The following C10orf90 variants were observed in gnomAD, a reference collection of about 807,000 sequenced individuals.
C10orf90 encodes the protein (E2-independent) E3 ubiquitin-conjugating enzyme FATS.
Under a neutral mutation model 62.5 loss-of-function variants are expected in C10orf90, and 56 were observed. The observed-to-expected ratio is 0.90, with a 90% CI of 0.72 to 1.12. C10orf90 has a LOEUF of 1.12. Among genes scored for constraint, C10orf90 ranks in the 50% most tolerant of loss-of-function variants. The pLI, the probability that C10orf90 is intolerant of heterozygous loss-of-function variation, is 0.00. For missense variants in C10orf90, 970 were observed against 880.4 expected (o/e 1.10, Z -1.29); for synonymous variants, 386 against 340.4 (o/e 1.13, Z -1.47).
intron 2 of C10orf90, among the ~76,000 whole-genome samples, chr10:126,590,091 A>T (rs1490818999): frequency 6.6e-6 from 1 of 151,902 alleles, no homozygotes; most frequent in Non-Finnish European, 1.5e-5. Context: ...ATCAAAAAAG[A>T]CAAACAAGGG....
chr10:126,669,809 C>T (rs1179592464), intron 1 of C10orf90, among the ~76,000 whole-genome samples: 1 of 151,648 alleles, frequency 6.6e-6, no homozygotes, highest in Non-Finnish European at 1.5e-5. Flanking sequence ...TATTTTAACT[C>T]GATGAAGGCA....
At chr10:126,509,651 G>A (rs1464834547) in intron 3 of C10orf90, among the ~76,000 whole-genome samples, 2 of 152,172 alleles carry the variant, frequency 1.3e-5, no homozygotes, top group Non-Finnish European at 2.9e-5. Flanking sequence ...GCCAAGTGCT[G>A]CATTTTCCCA....
chr10:126,503,998 T>A lies in C10orf90; in HGVS notation c.1493A>T (p.Asn498Ile). Reference protein sequence around the residue: ...TTHCHASDHANQLSIHIPGWS... With the variant: ...TTHCHASDHAIQLSIHIPGWS... ...GCCAGGAATGTGAATGGACAGTTGG[T>A]TGGCATGATCGCTGGCGTGACAATG... Residue 498 changes from asparagine (N) to isoleucine (I), a missense_variant, in exon 4 of 10, where the codon AAC (asparagine) becomes ATC (isoleucine). By Grantham distance (149) the Asn-to-Ile change is moderately radical. Coordinates refer to ENST00000488181, the MANE Select transcript of C10orf90 (RefSeq NM_001350921.2). 1 of 1,613,330 alleles carries A rather than the reference T, an allele frequency of 6.2e-7. No homozygotes were observed.
At chr10:126,481,977 A>G (rs979727998) in intron 4 of C10orf90, among the ~76,000 whole-genome samples, 2 of 152,208 alleles carry the variant, frequency 1.3e-5, no homozygotes, top group African/African-American at 4.8e-5. Context: ...AAATGCTACA[A>G]AAGAGAAGCC....
rs775799341 is a variant in C10orf90 at position 126,464,747 on chromosome 10, C to T, written c.1774G>A (p.Ala592Thr). The T allele has an allele frequency of 6.2e-7, 1 of 1,614,130 alleles. No individual in the cohort carries two copies. Reference sequence around the variant, plus strand: ...ACACCATTGTCTTCCTGCAGAGATGCACATACATCTTGTAAGGGGCAAAGA... The same window carrying T: ...ACACCATTGTCTTCCTGCAGAGATGTACATACATCTTGTAAGGGGCAAAGA... The part of the protein sequence containing the change: ...GFLCPLQDVC[A>T]SLQEDNGVQI... The change falls in exon 5 of 10, where the codon GCA becomes ACA. Residue 592 changes from alanine (A) to threonine (T), a missense_variant. Transcript: ENST00000488181.
chr10:126,567,313 A>G (rs1211316151), intron 2 of C10orf90, among the ~76,000 whole-genome samples: 1 of 152,140 alleles, frequency 6.6e-6, no homozygotes, highest in Non-Finnish European at 1.5e-5. Flanking sequence ...GCAGGAGGAA[A>G]AGGATGAAGG....
intron 4 of C10orf90, among the ~76,000 whole-genome samples, chr10:126,468,282 T>C (rs1269428737): frequency 6.6e-6 from 1 of 152,196 alleles, no homozygotes; most frequent in Non-Finnish European, 1.5e-5. Flanking sequence ...TTGGCCAGGA[T>C]GGTCTTGATC....
chr10:126,537,664 A>T (rs532960587), intron 2 of C10orf90, among the ~76,000 whole-genome samples: 1 of 152,196 alleles, frequency 6.6e-6, no homozygotes. Flanking sequence ...CTGTCTAAAG[A>T]GTTCTCTGGA....
At chr10:126,584,621 C>A (rs141025188) in intron 2 of C10orf90, among the ~76,000 whole-genome samples, 1 of 152,234 alleles carries the variant, frequency 6.6e-6, no homozygotes, top group Middle Eastern at 3.4e-3. Context: ...ACTTTGCTCA[C>A]GTGTGCCCAT....
chr10:126,550,754 C>T (rs1359385463), intron 2 of C10orf90, among the ~76,000 whole-genome samples: 1 of 152,184 alleles, frequency 6.6e-6, no homozygotes, highest in Non-Finnish European at 1.5e-5. Context: ...GGGTGATTCA[C>T]CTGTTCCAGC....
chr10:126,468,332 G>T (rs1860399823), intron 4 of C10orf90, among the ~76,000 whole-genome samples: 1 of 152,174 alleles, frequency 6.6e-6, no homozygotes, highest in Admixed American at 6.5e-5. Flanking sequence ...CTCCTAAAGT[G>T]CTAGGATTAC....
At chr10:126,644,834 A>C (rs957774858) in intron 2 of C10orf90, among the ~76,000 whole-genome samples, 2 of 151,898 alleles carry the variant, frequency 1.3e-5, no homozygotes, top group Non-Finnish European at 2.9e-5. Flanking sequence ...GTGTCCCCAA[A>C]CTCCCTGTGG....
At chr10:126,610,672 C>T (rs1468086659) in intron 2 of C10orf90, among the ~76,000 whole-genome samples, 1 of 152,214 alleles carries the variant, frequency 6.6e-6, no homozygotes, top group Non-Finnish European at 1.5e-5. Context: ...TATTCATTAT[C>T]ATTCTCTCCA....
rs1410227328 is a variant in C10orf90, at chr10:126,651,205, C to T, written c.241-4568G>A. 3.3e-5 allele frequency among the ~76,000 whole-genome samples: 5 copies of T among 152,146 alleles called. No homozygotes were observed. The East Asian group carries it at 9.6e-4, about 29-fold the overall frequency. On this transcript the variant is annotated intron_variant, in intron 1 of 9. Transcript: ENST00000488181. ...TTTTACTGTTTTTGTTGTTTCCTGA[C>T]TCTCCCTTCAAGATACCTGAGTACT...
chr10:126,490,888 C>T (rs1049201871), intron 4 of C10orf90, among the ~76,000 whole-genome samples: 3 of 150,032 alleles, frequency 2.0e-5, no homozygotes, highest in South Asian at 2.2e-4. Flanking sequence ...GGAAAAAGTA[C>T]GTAAAAAAAT....
intron 3 of C10orf90, among the ~76,000 whole-genome samples, chr10:126,508,265 G>T (rs557383810): frequency 6.6e-6 from 1 of 151,778 alleles, no homozygotes; most frequent in East Asian, 1.9e-4. Context: ...TTGGGCCTAG[G>T]TTGCTCAGGA....
At chr10:126,525,125 A>C (rs910608293) in intron 2 of C10orf90, among the ~76,000 whole-genome samples, 1 of 152,178 alleles carries the variant, frequency 6.6e-6, no homozygotes, top group African/African-American at 2.4e-5. Flanking sequence ...CAGACCCGTT[A>C]GTCAGGCAAC....
chr10:126,504,304 T>A lies in C10orf90; in HGVS notation c.1187A>T (p.His396Leu). 1.2e-6 allele frequency: 2 copies of A among 1,614,134 alleles called. No individual in the cohort carries two copies. The highest frequency in any genetic ancestry group is 8.5e-7 in the Non-Finnish European group (1 of 1,180,030). The part of the protein sequence containing the change: ...VLSLNLNCSS[H>L]RLTADGVDGL... ...ATCTACTCCATCTGCTGTTAATCTGTGGGAACTACAATTGAGGTTGAGCGA... is the reference window on the plus strand; with the variant it reads ...ATCTACTCCATCTGCTGTTAATCTGAGGGAACTACAATTGAGGTTGAGCGA... Residue 396 changes from histidine to leucine, a missense_variant, in exon 4 of 10, where the codon CAC (histidine) becomes CTC (leucine). Physicochemically the swap from His to Leu is moderately conservative, Grantham distance 99 (BLOSUM62 -3). Transcript: ENST00000488181. This position sits in a 1 kb window ranked among gnomAD's most constrained non-coding sequence, Gnocchi z 4.1.
chr10:126,533,437 A>G (rs1446844253), intron 2 of C10orf90, among the ~76,000 whole-genome samples: 1 of 152,244 alleles, frequency 6.6e-6, no homozygotes, highest in African/African-American at 2.4e-5. Context: ...CAGTCCGTTT[A>G]AACTCAAGGA....
Sources: gnomAD v4.1 joint callset for allele counts (sites outside exome capture counted in the v4.1 genomes callset) on GRCh38, gnomAD v4.1.1 for gene constraint, Gnocchi (gnomAD v3.1) non-coding constraint, MANE v1.5 for transcripts, NCBI Gene and HGNC (gene_info 2026-07-23, HGNC 2026-07-21) for gene names.